Variants in AEBP2 observed in about 807,000 individuals in gnomAD.
AEBP2 encodes the protein zinc finger protein AEBP2.
AEBP2 carries 10 observed loss-of-function variants against 50.8 expected under a neutral mutation model. The observed-to-expected ratio is 0.20, with a 90% confidence interval of 0.12 to 0.33. The LOEUF (loss-of-function observed/expected upper bound fraction) is 0.33, where lower values mean the gene tolerates loss of function less well. Among genes scored for constraint, AEBP2 ranks in the 10% least tolerant of loss-of-function variants. The pLI, the probability that AEBP2 is intolerant of heterozygous loss-of-function variation, is 1.00. For synonymous variants in AEBP2, 296 were observed against 261.3 expected, an observed-to-expected ratio of 1.13 and a Z score of -1.28; for missense variants, 570 against 688.0, an observed-to-expected ratio of 0.83 and a Z score of 1.92.
intron 3 of AEBP2, among the ~76,000 whole-genome samples, chr12:19,474,077 ATTCCT>A (rs1034896508): frequency 3.3e-5 from 5 of 152,186 alleles, no homozygotes; most frequent in Non-Finnish European, 7.3e-5. Flanking sequence ...AAAGGATTTG[ATTCCT>A]TTCACTCAGT....
intron 1 of AEBP2, among the ~76,000 whole-genome samples, chr12:19,425,474 T>C (rs1008058283): frequency 2.6e-5 from 4 of 152,022 alleles, no homozygotes; most frequent in African/African-American, 9.7e-5. Flanking sequence ...GTGGATCAAA[T>C]AGATGAATTA....
rs1470799879 is a variant in AEBP2, at chr12:19,493,859, A to G, written c.1047A>G (p.Val349=). Residue 349 remains valine (V), a synonymous_variant, in exon 4 of 8, where the codon GTA becomes GTG. Coordinates refer to ENST00000266508, the MANE Select transcript of AEBP2 (RefSeq NM_153207.5). ...FASQGGLARH[V]PTHFSQQNSS... ...CTCAGGGAGGGCTAGCTCGTCATGT[A>G]CCCACACACTTCAGTCAGCAGAACT... 3.1e-6 allele frequency: 5 copies of G among 1,613,812 alleles called. No homozygotes were observed. Among genetic ancestry groups the G allele is most frequent in the Non-Finnish European group, 3.4e-6 (4 of 1,179,880 alleles).
At chr12:19,486,553 G>C (rs2120391325) in intron 3 of AEBP2, among the ~76,000 whole-genome samples, 2 of 152,154 alleles carry the variant, frequency 1.3e-5, no homozygotes, top group Middle Eastern at 6.8e-3. Context: ...ACCACGTCCA[G>C]CTAATTTTTT....
At position 19,456,798 on chromosome 12, in the gene AEBP2, G is replaced by T. The variant is rs1312909365; in HGVS notation, c.672-5712G>T. On this transcript the variant is annotated intron_variant, in intron 1 of 7. Coordinates refer to ENST00000266508, the MANE Select transcript of AEBP2 (RefSeq NM_153207.5). ...AGTTTTAATGTTGACTGGAGCAAAGGTGACCACCATACCAGGTTTGAGAAC... is the reference window on the plus strand; with the variant it reads ...AGTTTTAATGTTGACTGGAGCAAAGTTGACCACCATACCAGGTTTGAGAAC... The T allele has an allele frequency of 2.9e-5, 45 of 1,565,794 alleles. No homozygotes were observed. In the Admixed American group the frequency reaches 5.7e-4, roughly 20 times the overall value.
chr12:19,492,133 CATTTATATGCTT>C (rs1298066838), intron 3 of AEBP2, among the ~76,000 whole-genome samples: 1 of 152,100 alleles, frequency 6.6e-6, no homozygotes, highest in Non-Finnish European at 1.5e-5. Context: ...TAACATGACA[CATTTATATGCTT>C]AGAGTTTGGT....
chr12:19,414,545 C>G (rs1046207949), intron 1 of AEBP2, among the ~76,000 whole-genome samples: 3 of 152,172 alleles, frequency 2.0e-5, no homozygotes, highest in Non-Finnish European at 4.4e-5. Flanking sequence ...AGGCATCACT[C>G]TCAACATGGG....
intron 1 of AEBP2, among the ~76,000 whole-genome samples, chr12:19,431,232 T>A (rs2095751270): frequency 6.6e-6 from 1 of 152,228 alleles, no homozygotes; most frequent in African/African-American, 2.4e-5. Flanking sequence ...CAAGTTGATT[T>A]ATCCAGACTG....
intron 1 of AEBP2, among the ~76,000 whole-genome samples, chr12:19,415,338 AAAAAAAAAAAAAATATATATATAT>A (rs2095741777): frequency 2.0e-5 from 1 of 50,254 alleles, no homozygotes; most frequent in African/African-American, 8.7e-5. Context: ...AAAAAAAAAA[AAAAAAAAAAAAAATATATATATAT>A]ATATATATAT....
chr12:19,476,081 TTTG>T (rs1948645686), intron 3 of AEBP2, among the ~76,000 whole-genome samples: 4 of 152,190 alleles, frequency 2.6e-5, no homozygotes, highest in Admixed American at 1.3e-4. Flanking sequence ...GTTTCATCTG[TTTG>T]TTGTTGTTCT....
intron 1 of AEBP2, among the ~76,000 whole-genome samples, chr12:19,408,875 C>A (rs1033344652): frequency 7.9e-5 from 12 of 151,348 alleles, no homozygotes; most frequent in African/African-American, 2.4e-4. Context: ...TGCACTCCAG[C>A]ATGGGTGACA....
chr12:19,456,534 T>C, intron 1 of AEBP2: 1 of 1,528,176 alleles, frequency 6.5e-7, no homozygotes, highest in Non-Finnish European at 9.0e-7. Flanking sequence ...GCATGCAGTG[T>C]GAGCCGTGTG....
At chr12:19,431,575 C>A (rs1361449505) in intron 1 of AEBP2, among the ~76,000 whole-genome samples, 1 of 152,174 alleles carries the variant, frequency 6.6e-6, no homozygotes, top group Non-Finnish European at 1.5e-5. Context: ...ACTACACCTA[C>A]ATATGACCTC....
chr12:19,454,436 G>T (rs184715789), intron 1 of AEBP2, among the ~76,000 whole-genome samples: 2 of 152,084 alleles, frequency 1.3e-5, no homozygotes, highest in Non-Finnish European at 2.9e-5. Flanking sequence ...TCTTTAATTG[G>T]TTAAGGTATA....
At chr12:19,445,860 T>A (rs899167834) in intron 1 of AEBP2, 1 of 152,182 alleles carries the variant, frequency 6.6e-6, no homozygotes, top group Non-Finnish European at 1.5e-5. Flanking sequence ...GTTTTTAATA[T>A]GTACGTGCAG....
intron 3 of AEBP2, among the ~76,000 whole-genome samples, chr12:19,491,085 C>T (rs1592763852): frequency 6.6e-6 from 1 of 152,078 alleles, no homozygotes; most frequent in Non-Finnish European, 1.5e-5. Flanking sequence ...GCTAGTGGTT[C>T]GTAGGTTTGC....
chr12:19,475,772 A>G (rs1212681825), intron 3 of AEBP2, among the ~76,000 whole-genome samples: 1 of 152,010 alleles, frequency 6.6e-6, no homozygotes, highest in Non-Finnish European at 1.5e-5. Flanking sequence ...TTGCCTTTTA[A>G]ATTATGGCCA....
chr12:19,479,244 CTTG>C (rs758772316), intron 3 of AEBP2, among the ~76,000 whole-genome samples: 1 of 152,114 alleles, frequency 6.6e-6, no homozygotes, highest in Non-Finnish European at 1.5e-5. Flanking sequence ...TCTGTAAATA[CTTG>C]TTAAGTTAAT....
At chr12:19,506,626 A>G (rs1288477900) in intron 5 of AEBP2, among the ~76,000 whole-genome samples, 1 of 151,966 alleles carries the variant, frequency 6.6e-6, no homozygotes, top group Non-Finnish European at 1.5e-5. Context: ...GCCCTAGAAA[A>G]CCTACTGTTG....
intron 1 of AEBP2, among the ~76,000 whole-genome samples, chr12:19,424,467 G>T (rs1201409767): frequency 6.6e-6 from 1 of 151,862 alleles, no homozygotes; most frequent in Non-Finnish European, 1.5e-5. Flanking sequence ...CGCGATCTCG[G>T]CTCACTGCAA....
Sources: gnomAD v4.1 joint callset for allele counts (sites outside exome capture counted in the v4.1 genomes callset) on GRCh38, gnomAD v4.1.1 for gene constraint, MANE v1.5 for transcripts, NCBI Gene and HGNC (gene_info 2026-07-23, HGNC 2026-07-21) for gene names.